SNRPN: variants seen among roughly 807,000 people sequenced by gnomAD.
The protein encoded by SNRPN is small nuclear ribonucleoprotein-associated protein N.
Under a neutral mutation model 25.2 loss-of-function variants are expected in SNRPN, and 7 were observed. The observed-to-expected ratio is 0.28, with a 90% CI of 0.16 to 0.52. The LOEUF (loss-of-function observed/expected upper bound fraction) is 0.52. Among genes scored for constraint, SNRPN ranks in the 20% least tolerant of loss-of-function variants. The pLI is 0.96. For missense variants in SNRPN, 196 were observed against 322.5 expected, an observed-to-expected ratio of 0.61 and a Z score of 3.00; for synonymous variants, 124 against 110.6, an observed-to-expected ratio of 1.12 and a Z score of -0.76.
At chr15:24,948,661 T>C (rs1242039378) in intron 3 of SNRPN, among the ~76,000 whole-genome samples, 1 of 152,154 alleles carries the variant, frequency 6.6e-6, no homozygotes, top group Non-Finnish European at 1.5e-5. Context: ...TGTTCTTGGT[T>C]GTGACATTTT....
chr15:24,899,624 G>A (rs528320523), intron 2 of SNRPN, among the ~76,000 whole-genome samples: 9 of 152,282 alleles, frequency 5.9e-5, no homozygotes, highest in African/African-American at 2.2e-4. Context: ...AGCACTAGTG[G>A]TCAGCCACTT....
chr15:24,919,496 T>C (rs1022431236), intron 2 of SNRPN, among the ~76,000 whole-genome samples: 3 of 151,382 alleles, frequency 2.0e-5, no homozygotes, highest in African/African-American at 7.3e-5. Flanking sequence ...TGGTGATAGG[T>C]ACAGGGACCT....
chr15:24,919,420 G>A (rs1015678205), intron 2 of SNRPN, among the ~76,000 whole-genome samples: 2 of 129,054 alleles, frequency 1.5e-5, no homozygotes, highest in Non-Finnish European at 3.2e-5. Context: ...GACAGAGCGA[G>A]ACTCTGTCTC....
At chr15:24,844,556 T>G (rs6576389) in intron 2 of SNRPN, among the ~76,000 whole-genome samples, 144,751 of 152,102 alleles carry the variant, frequency 0.95, 68,947 homozygotes, top group East Asian at 1. Context: ...ACAGAGTCTG[T>G]CTCTGTCACC....
intron 2 of SNRPN, chr15:24,848,211 C>A (rs1237260236): frequency 4.6e-5 from 2 of 43,120 alleles, no homozygotes; most frequent in Non-Finnish European, 9.6e-5. Flanking sequence ...CAGGACGGAG[C>A]TGGGGGGCGG....
Position 24,929,946 on chromosome 15 carries a change from G to C in SNRPN, c.-391+9822G>C, listed in dbSNP as rs1377348720. Among the ~76,000 whole-genome samples, 1 of 152,020 alleles carries C rather than the reference G, an allele frequency of 6.6e-6. No homozygotes were observed. Among genetic ancestry groups the C allele is most frequent in the Non-Finnish European group, 1.5e-5 (1 of 68,010 alleles). On this transcript the variant is annotated intron_variant, in intron 3 of 11. Transcript: ENST00000400097. This position sits in a 1 kb window ranked among gnomAD's most constrained non-coding sequence, Gnocchi z 5.3. The stretch of plus-strand genomic sequence containing the variant: ...CTCACACCTATAATCCCAGCACTTT[G>C]GGAGGCCAAGGCGGGTGGATCACGA...
chr15:24,971,900 A>T (rs1055888073), intron 3 of SNRPN, among the ~76,000 whole-genome samples: 5 of 152,196 alleles, frequency 3.3e-5, no homozygotes, highest in Non-Finnish European at 5.9e-5. Context: ...GCTCATTCAC[A>T]GTCATGATCC....
chr15:24,850,897 T>C (rs916591079), intron 2 of SNRPN: 4 of 152,086 alleles, frequency 2.6e-5, no homozygotes, highest in African/African-American at 9.7e-5. Flanking sequence ...TAGGAAACCA[T>C]ATCTGTGAGG....
chr15:24,913,866 AG>A (rs2152293228), intron 2 of SNRPN, among the ~76,000 whole-genome samples: 1 of 152,358 alleles, frequency 6.6e-6, no homozygotes, highest in African/African-American at 2.4e-5. Flanking sequence ...CAGCATATAT[AG>A]CATCTTCAGC....
At chr15:24,955,304 C>T (rs774056920) in intron 1 of SNRPN, among the ~76,000 whole-genome samples, 3 of 151,806 alleles carry the variant, frequency 2.0e-5, no homozygotes, top group African/African-American at 7.3e-5. Context: ...ACTGTGGTGT[C>T]GCGACAGGTC....
At chr15:24,938,821 C>T (rs2061390719) in intron 3 of SNRPN, among the ~76,000 whole-genome samples, 1 of 152,032 alleles carries the variant, frequency 6.6e-6, no homozygotes, top group Non-Finnish European at 1.5e-5. Context: ...TTGGTTTGTG[C>T]CCTGGGTATA....
chr15:24,881,464 G>C (rs1479559986), intron 1 of SNRPN, among the ~76,000 whole-genome samples: 2 of 151,422 alleles, frequency 1.3e-5, no homozygotes, highest in Non-Finnish European at 2.9e-5. Flanking sequence ...CTGGGAGGCA[G>C]AGGTTGCAAT....
intron 1 of SNRPN, among the ~76,000 whole-genome samples, chr15:24,959,824 C>T (rs2074479066): frequency 6.6e-6 from 1 of 152,150 alleles, no homozygotes; most frequent in African/African-American, 2.4e-5. Context: ...ATGAATAATG[C>T]TACTAGGAAC....
At chr15:24,894,698 GT>G (rs1566882245) in intron 2 of SNRPN, among the ~76,000 whole-genome samples, 6 of 152,170 alleles carry the variant, frequency 3.9e-5, no homozygotes, top group Admixed American at 3.9e-4. Flanking sequence ...GGGACAAGGA[GT>G]TTTTACTTTC....
intron 2 of SNRPN, among the ~76,000 whole-genome samples, chr15:24,842,334 G>T (rs2051779862): frequency 6.6e-6 from 1 of 152,162 alleles, no homozygotes; most frequent in Non-Finnish European, 1.5e-5. Flanking sequence ...TGCTACAACT[G>T]CCTGAGAGCA....
At chr15:24,922,081 C>T (rs1051177861) in intron 3 of SNRPN, among the ~76,000 whole-genome samples, 8 of 149,338 alleles carry the variant, frequency 5.4e-5, no homozygotes, top group East Asian at 2.0e-4. Context: ...GGCACCGTGG[C>T]GGGCTCCTGT....
intron 2 of SNRPN, among the ~76,000 whole-genome samples, chr15:24,919,347 C>T (rs2059902123): frequency 6.6e-6 from 1 of 150,384 alleles, no homozygotes; most frequent in African/African-American, 2.5e-5. Flanking sequence ...AGGAGAATGG[C>T]GTGAACCCGG....
chr15:24,925,981 G>A (rs554653176), intron 3 of SNRPN, among the ~76,000 whole-genome samples: 41 of 152,008 alleles, frequency 2.7e-4, no homozygotes, highest in Non-Finnish European at 4.9e-4. Flanking sequence ...TGATCCGCCC[G>A]CCTCGGCCTC....
chr15:24,901,789 C>T (rs1330159439), intron 2 of SNRPN, among the ~76,000 whole-genome samples: 1 of 152,084 alleles, frequency 6.6e-6, no homozygotes, highest in Non-Finnish European at 1.5e-5. Context: ...AATTCAGATT[C>T]CAAGTGCACA....
Sources: gnomAD v4.1 joint callset for allele counts (sites outside exome capture counted in the v4.1 genomes callset) on GRCh38, gnomAD v4.1.1 for gene constraint, Gnocchi (gnomAD v3.1) non-coding constraint, MANE v1.5 for transcripts, NCBI Gene and HGNC (gene_info 2026-07-23, HGNC 2026-07-21) for gene names.